Variants in PTPRN2 observed in about 807,000 individuals in gnomAD.
PTPRN2 encodes protein tyrosine phosphatase receptor type N2.
PTPRN2 carries 74 observed loss-of-function variants against 118.8 expected under a neutral mutation model. The observed-to-expected ratio is 0.62, with a 90% confidence interval of 0.52 to 0.76. The LOEUF is 0.76. Ranked by LOEUF, PTPRN2 falls within the 30% of genes least tolerant of loss-of-function variation. The pLI is 0.00. For synonymous variants in PTPRN2, 641 were observed against 608.0 expected (o/e 1.05, Z -0.80); for missense variants, 1,481 against 1,394.4 (o/e 1.06, Z -0.99).
intron 21 of PTPRN2, among the ~76,000 whole-genome samples, chr7:157,568,025 C>T (rs893293683): frequency 6.6e-6 from 1 of 152,142 alleles, no homozygotes; most frequent in African/African-American, 2.4e-5. Context: ...AAGAGATGAC[C>T]TTAGAGGTTG....
At chr7:157,872,301 GCATACCCAGTGTCCTCCCCACACACC>G (rs1811136019) in intron 12 of PTPRN2, among the ~76,000 whole-genome samples, 3 of 60,992 alleles carry the variant, frequency 4.9e-5, no homozygotes, top group African/African-American at 2.5e-4. Flanking sequence ...CCCCACACAC[GCATACCCAGTGTCCTCCCCACACACC>G]CATACCCAGT....
At chr7:158,341,636 A>ACCCG (rs1806828713) in intron 2 of PTPRN2, among the ~76,000 whole-genome samples, 1 of 23,540 alleles carries the variant, frequency 4.2e-5, no homozygotes, top group Non-Finnish European at 7.7e-5. Flanking sequence ...AAGAGGTAAC[A>ACCCG]CATGCAGACG....
At chr7:158,079,018 T>G (rs1340429239) in intron 11 of PTPRN2, among the ~76,000 whole-genome samples, 2 of 152,134 alleles carry the variant, frequency 1.3e-5, no homozygotes, top group Non-Finnish European at 2.9e-5. Flanking sequence ...TTTTTTTGTA[T>G]TTTTAGTAGA....
chr7:158,405,878 G>A (rs1016871070), intron 2 of PTPRN2, among the ~76,000 whole-genome samples: 2 of 146,706 alleles, frequency 1.4e-5, no homozygotes, highest in African/African-American at 2.6e-5. Context: ...CGTGAGACAC[G>A]TGTCCGCACA....
At chr7:158,445,215 A>C (rs1053082724) in intron 2 of PTPRN2, among the ~76,000 whole-genome samples, 1 of 152,150 alleles carries the variant, frequency 6.6e-6, no homozygotes, top group African/African-American at 2.4e-5. Context: ...GAGGCTGGCC[A>C]GCCCTTCCTT....
At chr7:158,065,891 G>T (rs1810734932) in intron 11 of PTPRN2, among the ~76,000 whole-genome samples, 1 of 152,134 alleles carries the variant, frequency 6.6e-6, no homozygotes, top group African/African-American at 2.4e-5. Context: ...GAAATTATGT[G>T]GCCATTCAAT....
At position 157,729,605 on chromosome 7, in the gene PTPRN2, G is replaced by A. The variant is rs1311288011; in HGVS notation, c.1789-46668C>T. ...GCAAAAGGAGCTCTGCAGTGCCTGA[G>A]ACCTGCAAAGGGCCATCCTGGGGTC... On this transcript the variant is annotated intron_variant, in intron 12 of 22. Transcript: ENST00000389418. This position sits in a 1 kb window ranked among gnomAD's most constrained non-coding sequence, Gnocchi z 4.3. Among the ~76,000 whole-genome samples, 2 of 152,206 alleles carry A rather than the reference G, an allele frequency of 1.3e-5. No homozygotes were observed. Among genetic ancestry groups the A allele is most frequent in the Non-Finnish European group, 2.9e-5 (2 of 68,040 alleles).
At position 157,832,553 on chromosome 7, in the gene PTPRN2, A is replaced by G. The variant is rs186216489; in HGVS notation, c.1788+66120T>C. 7.2e-5 allele frequency among the ~76,000 whole-genome samples: 11 copies of G among 152,304 alleles called. No individual in the cohort carries two copies. In the East Asian group the frequency reaches 1.9e-3, roughly 27 times the overall value. On this transcript the variant is annotated intron_variant, in intron 12 of 22. Coordinates refer to ENST00000389418, the MANE Select transcript of PTPRN2 (RefSeq NM_002847.5). ...ACACACTGAAGCTCCCTTCAAACCC[A>G]GAGACTTACTGCACTTGCTTCTAGA... is the stretch of plus-strand genomic sequence containing the variant.
At chr7:157,584,413 G>A (rs1447006568) in intron 17 of PTPRN2, among the ~76,000 whole-genome samples, 1 of 152,102 alleles carries the variant, frequency 6.6e-6, no homozygotes, top group Non-Finnish European at 1.5e-5. Flanking sequence ...CTAAGAGGCC[G>A]TTTGGATATT....
chr7:158,221,386 G>A lies in PTPRN2; in HGVS notation c.278-16113C>T, dbSNP rs528726663. Among the ~76,000 whole-genome samples, 121 of 151,630 alleles carry A rather than the reference G, an allele frequency of 8.0e-4. No homozygotes were observed. In the Middle Eastern group the frequency reaches 0.01, roughly 13 times the overall value. On this transcript the variant is annotated intron_variant, in intron 3 of 22. Transcript: ENST00000389418. Reference sequence around the variant, plus strand: ...AAGAGGGACCTAATTAAACCAAAGCGCTTCTGAACAACAAAAGCAACTATT... The same window carrying A: ...AAGAGGGACCTAATTAAACCAAAGCACTTCTGAACAACAAAAGCAACTATT...
At chr7:158,466,644 C>T (rs1421993669) in intron 2 of PTPRN2, among the ~76,000 whole-genome samples, 1 of 152,210 alleles carries the variant, frequency 6.6e-6, no homozygotes, top group Non-Finnish European at 1.5e-5. Flanking sequence ...GTGCAGACAC[C>T]TCTTCTGCCC....
Position 157,673,634 on chromosome 7 carries a change from C to T in PTPRN2, c.2001+9091G>A, listed in dbSNP as rs147229938. On this transcript the variant is annotated intron_variant, in intron 13 of 22. Coordinates refer to ENST00000389418, the MANE Select transcript of PTPRN2 (RefSeq NM_002847.5). The stretch of plus-strand genomic sequence containing the variant: ...CTCAGGCCCTTCCATGCTCCTCTCC[C>T]GCCCCACAGAGGCCCCCTCTGTCCT... Among the ~76,000 whole-genome samples, 685 of 148,498 alleles carry T rather than the reference C, an allele frequency of 4.6e-3. 12 individuals are homozygous for T. The South Asian group carries it at 0.058, about 12-fold the overall frequency.
intron 2 of PTPRN2, among the ~76,000 whole-genome samples, chr7:158,482,903 A>C (rs1477871632): frequency 6.6e-6 from 1 of 152,228 alleles, no homozygotes; most frequent in Non-Finnish European, 1.5e-5. Context: ...GAAGCAGACC[A>C]CAGAAACCAG....
At chr7:158,331,370 CCGCAGAAG>C in intron 2 of PTPRN2, among the ~76,000 whole-genome samples, 1 of 139,256 alleles carries the variant, frequency 7.2e-6, no homozygotes. Context: ...GAGCTGACAC[CCGCAGAAG>C]TCACTCACAC....
intron 12 of PTPRN2, among the ~76,000 whole-genome samples, chr7:157,783,805 G>A (rs924393234): frequency 4.6e-5 from 7 of 151,902 alleles, no homozygotes; most frequent in Admixed American, 1.3e-4. Flanking sequence ...GATTTCCTCC[G>A]GAGGCTGTTC....
chr7:157,917,338 C>G (rs1387898969), intron 11 of PTPRN2, among the ~76,000 whole-genome samples: 1 of 152,258 alleles, frequency 6.6e-6, no homozygotes, highest in Non-Finnish European at 1.5e-5. Flanking sequence ...GGCATTTTCT[C>G]CTTGGAAACT....
rs1802796038 is a variant in PTPRN2, at chr7:157,771,438, C to G, written c.1789-88501G>C. Among the ~76,000 whole-genome samples the G allele has an allele frequency of 3.9e-5, 6 of 152,374 alleles. No homozygotes were observed. In the South Asian group the frequency reaches 1.2e-3, roughly 32 times the overall value. ...CCACCTGCTGCCAGTTCATGCCCTT[C>G]TGTGGCTTGCAGCAGCTGACACTGA... On this transcript the variant is annotated intron_variant, in intron 12 of 22. Transcript: ENST00000389418.
At chr7:158,167,797 C>T (rs1299883604) in intron 5 of PTPRN2, among the ~76,000 whole-genome samples, 1 of 152,214 alleles carries the variant, frequency 6.6e-6, no homozygotes. Context: ...GCATAATGTC[C>T]TCAGGTGCAC....
intron 2 of PTPRN2, among the ~76,000 whole-genome samples, chr7:158,331,746 G>A (rs1417580598): frequency 9.3e-5 from 14 of 150,504 alleles, no homozygotes; most frequent in East Asian, 2.0e-4. Flanking sequence ...ACCTGCAGAC[G>A]TCACTCAAAC....
Sources: allele counts gnomAD v4.1 joint callset (sites outside exome capture counted in the v4.1 genomes callset), GRCh38; gene constraint gnomAD v4.1.1; non-coding constraint Gnocchi (gnomAD v3.1); transcripts MANE v1.5; gene names NCBI Gene and HGNC (gene_info 2026-07-23, HGNC 2026-07-21).